The following KLHL7 variants were observed in gnomAD, a reference collection of about 807,000 sequenced individuals.
The protein encoded by KLHL7 is kelch-like protein 7.
KLHL7 carries 44 observed loss-of-function variants against 67.4 expected under a neutral mutation model. The ratio of observed to expected loss-of-function variants is 0.65; its 90% confidence interval spans 0.51 to 0.84. The LOEUF is 0.84. KLHL7 is among the 40% of genes least tolerant of loss of function. The pLI, the probability that KLHL7 is intolerant of heterozygous loss-of-function variation, is 0.00. For synonymous variants in KLHL7, 252 were observed against 243.3 expected, an observed-to-expected ratio of 1.04 and a Z score of -0.33; for missense variants, 362 against 718.1, an observed-to-expected ratio of 0.50 and a Z score of 5.67.
intron 4 of KLHL7, among the ~76,000 whole-genome samples, chr7:23,130,790 GA>G (rs1199519308): frequency 6.6e-6 from 1 of 152,000 alleles, no homozygotes; most frequent in African/African-American, 2.4e-5. Flanking sequence ...CCAAGAAAAA[GA>G]AAGAAAGAAA....
Position 23,154,183 on chromosome 7 carries a change from G to A in KLHL7, c.936+1974G>A, listed in dbSNP as rs560943828. Among the ~76,000 whole-genome samples the A allele has an allele frequency of 2.4e-4, 37 of 152,138 alleles. 1 individual carries two copies. In the South Asian group the frequency reaches 6.0e-3, roughly 25 times the overall value. ...AGCCTGGCCAACATGGTGAAACTCC[G>A]TCTCTACTAAAAATACAAAAAATTG... On this transcript the variant is annotated intron_variant, in intron 7 of 10. Transcript: ENST00000339077.
At position 23,175,608 on chromosome 7, in the gene KLHL7, T is replaced by G. The variant is rs1175887006; in HGVS notation, c.*1310T>G. On this transcript the variant is annotated 3_prime_UTR_variant, in exon 11 of 11. Transcript: ENST00000339077. ...AGGTATATTTCTATTTGTGTAGGGT[T>G]TTTTAATGTACAGCTTTATTGAGAT... is the stretch of plus-strand genomic sequence containing the variant. 23 of 303,774 alleles carry G rather than the reference T, an allele frequency of 7.6e-5. No homozygotes were observed. Among genetic ancestry groups the G allele is most frequent in the Non-Finnish European group, 1.4e-4 (22 of 159,154 alleles). The allele number at this position is 303,774 out of a possible 1,614,324, so 18.8% of individuals were successfully genotyped here. A position where few individuals can be genotyped will look rare whatever the true frequency, so the allele number is the denominator to read the frequency against.
At position 23,174,536 on chromosome 7, in the gene KLHL7, A is replaced by G; in HGVS notation, c.*238A>G. ...CAAGAAAACTTGAAAAAGTATAAGCATTTGTTAAAAATGTGAATTTCTTGA... is the reference window on the plus strand; with the variant it reads ...CAAGAAAACTTGAAAAAGTATAAGCGTTTGTTAAAAATGTGAATTTCTTGA... On this transcript the variant is annotated 3_prime_UTR_variant, in exon 11 of 11. Transcript: ENST00000339077. The G allele has an allele frequency of 1.6e-6, 1 of 639,090 alleles. No homozygotes were observed. The highest frequency in any genetic ancestry group is 2.9e-6 in the Non-Finnish European group (1 of 347,206). The allele number at this position is 639,090 out of a possible 1,614,324, so 39.6% of individuals were successfully genotyped here.
rs1410761189 is a variant in KLHL7, at chr7:23,168,921, A to G, written c.1379+884A>G. 2.0e-5 allele frequency among the ~76,000 whole-genome samples: 3 copies of G among 152,232 alleles called. No individual in the cohort carries two copies. The East Asian group carries it at 5.8e-4, about 29-fold the overall frequency. On this transcript the variant is annotated intron_variant, in intron 9 of 10. Transcript: ENST00000339077. ...TATATTTAGGAAATATTGCCAAACT[A>G]CAAAACATGGAAGTCTTCAACTCCA...
At chr7:23,155,212 A>G (rs1313545629) in intron 7 of KLHL7, among the ~76,000 whole-genome samples, 3 of 152,152 alleles carry the variant, frequency 2.0e-5, no homozygotes, top group Admixed American at 6.5e-5. Context: ...GTGAGAATTC[A>G]TGGCCTGTGT....
At chr7:23,148,395 T>TA (rs74274528) in intron 6 of KLHL7, among the ~76,000 whole-genome samples, 1,592 of 98,986 alleles carry the variant, frequency 0.016, 20 homozygotes, top group African/African-American at 0.067. Flanking sequence ...ACAAGAAAAT[T>TA]AAAAAAAAAA....
chr7:23,115,834 C>T (rs1013838031), intron 1 of KLHL7, among the ~76,000 whole-genome samples: 15 of 152,212 alleles, frequency 9.9e-5, no homozygotes, highest in African/African-American at 3.4e-4. Context: ...TGAGCCACTG[C>T]GACTGGCCAG....
intron 1 of KLHL7, chr7:23,117,803 A>G (rs2128458332): frequency 3.2e-6 from 5 of 1,571,036 alleles, no homozygotes; most frequent in East Asian, 4.7e-5. Context: ...ACCCCATCTA[A>G]TAAGGGCCTC....
At chr7:23,123,959 C>G (rs58457472) in intron 2 of KLHL7, 80 bp downstream of exon 2, 9 of 1,041,328 alleles carry the variant, frequency 8.6e-6, no homozygotes, top group Non-Finnish European at 1.3e-5. Context: ...TGTCATTTTT[C>G]TAATTTTTAA....
chr7:23,146,655 TTCTTCTTCTTC>T (rs916073876), intron 6 of KLHL7, among the ~76,000 whole-genome samples: 6 of 125,270 alleles, frequency 4.8e-5, no homozygotes, highest in African/African-American at 8.8e-5. Flanking sequence ...CTTCTTCTTC[TTCTTCTTCTTC>T]TTTTTTTTTT....
At chr7:23,119,899 T>C (rs1385963376) in intron 1 of KLHL7, among the ~76,000 whole-genome samples, 2 of 152,202 alleles carry the variant, frequency 1.3e-5, no homozygotes, top group African/African-American at 4.8e-5. Flanking sequence ...TTTCTATAAG[T>C]GTAACTTGAT....
chr7:23,155,669 A>C (rs1562584414), intron 7 of KLHL7, among the ~76,000 whole-genome samples: 3 of 35,628 alleles, frequency 8.4e-5, no homozygotes, highest in Non-Finnish European at 2.8e-4. Context: ...CCAAAAAAAC[A>C]AAACAAAACA....
intron 1 of KLHL7, among the ~76,000 whole-genome samples, chr7:23,111,282 C>G (rs1245197105): frequency 2.0e-5 from 3 of 152,142 alleles, no homozygotes; most frequent in Admixed American, 2.0e-4. Context: ...TTCAGAGGCT[C>G]TGAGTTGGAG....
chr7:23,123,484 GA>G (rs1161710933), intron 1 of KLHL7, among the ~76,000 whole-genome samples: 6,630 of 96,448 alleles, frequency 0.069, 372 homozygotes, highest in East Asian at 0.21. Flanking sequence ...ATCTGTGTCA[GA>G]AAAAAAAAAA....
At chr7:23,129,476 A>G in intron 4 of KLHL7, 2 of 314,260 alleles carry the variant, frequency 6.4e-6, no homozygotes, top group Non-Finnish European at 1.2e-5. Flanking sequence ...GAAGCCCTAG[A>G]TGAGCTTATC....
At chr7:23,136,836 T>C (rs1223405085) in intron 4 of KLHL7, among the ~76,000 whole-genome samples, 1 of 152,252 alleles carries the variant, frequency 6.6e-6, no homozygotes, top group Non-Finnish European at 1.5e-5. Flanking sequence ...CTGAAATCTT[T>C]GGAATATAAC....
At chr7:23,119,580 A>T (rs1562554910) in intron 1 of KLHL7, among the ~76,000 whole-genome samples, 1 of 152,342 alleles carries the variant, frequency 6.6e-6, no homozygotes, top group East Asian at 1.9e-4. Flanking sequence ...GGTTTTGACA[A>T]ATGTATAATG....
chr7:23,107,952 C>T (rs568972811), intron 1 of KLHL7, among the ~76,000 whole-genome samples: 5 of 152,080 alleles, frequency 3.3e-5, no homozygotes, highest in Non-Finnish European at 5.9e-5. Context: ...AACAATTGAC[C>T]GAGAATGACT....
intron 4 of KLHL7, chr7:23,125,853 T>TAAG: frequency 6.4e-7 from 1 of 1,550,628 alleles, no homozygotes; most frequent in Non-Finnish European, 8.7e-7. Flanking sequence ...AACGTCCAGA[T>TAAG]GTTTGTGCAG....
Sources: allele counts gnomAD v4.1 joint callset (sites outside exome capture counted in the v4.1 genomes callset), GRCh38; gene constraint gnomAD v4.1.1; transcripts MANE v1.5; gene names NCBI Gene and HGNC (gene_info 2026-07-23, HGNC 2026-07-21).